RNF38: variants seen among roughly 807,000 people sequenced by gnomAD.
RNF38 encodes the protein E3 ubiquitin-protein ligase RNF38.
Under a neutral mutation model 67.2 loss-of-function variants are expected in RNF38, and 15 were observed. The ratio of observed to expected loss-of-function variants is 0.22; its 90% CI spans 0.15 to 0.34. The LOEUF (loss-of-function observed/expected upper bound fraction) is 0.34, where lower values mean the gene tolerates loss of function less well. Among genes scored for constraint, RNF38 ranks in the 10% least tolerant of loss-of-function variants. The pLI is 1.00. For synonymous variants in RNF38, 220 were observed against 218.8 expected, an observed-to-expected ratio of 1.01 and a Z score of -0.05; for missense variants, 524 against 639.9, an observed-to-expected ratio of 0.82 and a Z score of 1.95.
intron 1 of RNF38, among the ~76,000 whole-genome samples, chr9:36,432,622 G>A (rs1049077147): frequency 4.6e-5 from 7 of 151,896 alleles, no homozygotes; most frequent in African/African-American, 9.7e-5. Flanking sequence ...GTGAAACCCC[G>A]TCTCTACTAA....
chr9:36,393,672 G>A (rs1047505829), intron 1 of RNF38, among the ~76,000 whole-genome samples: 5 of 152,094 alleles, frequency 3.3e-5, no homozygotes, highest in East Asian at 1.9e-4. Flanking sequence ...AAGGAGGAAA[G>A]ACGTTCAGAT....
intron 2 of RNF38, among the ~76,000 whole-genome samples, chr9:36,381,830 T>C (rs1836233125): frequency 6.6e-6 from 1 of 152,238 alleles, no homozygotes; most frequent in African/African-American, 2.4e-5. Context: ...GTACATTTCC[T>C]TGGGACCTCC....
chr9:36,460,536 A>C (rs1353203996), intron 1 of RNF38, among the ~76,000 whole-genome samples: 2 of 152,170 alleles, frequency 1.3e-5, no homozygotes, highest in African/African-American at 4.8e-5. Context: ...TCCTAGTCCC[A>C]GAACACTTAA....
At chr9:36,384,376 T>C (rs956324374) in intron 2 of RNF38, among the ~76,000 whole-genome samples, 8 of 152,192 alleles carry the variant, frequency 5.3e-5, no homozygotes, top group African/African-American at 1.9e-4. Context: ...TTTAGGAGTG[T>C]TGATATACAG....
chr9:36,384,861 A>G (rs912712103), intron 2 of RNF38, among the ~76,000 whole-genome samples: 2 of 152,238 alleles, frequency 1.3e-5, no homozygotes, highest in African/African-American at 4.8e-5. Flanking sequence ...AACATCAACA[A>G]TGCATTTGGC....
intron 6 of RNF38, among the ~76,000 whole-genome samples, chr9:36,353,613 G>A (rs1286631432): frequency 6.6e-6 from 1 of 151,874 alleles, no homozygotes. Context: ...AAATGAGAAG[G>A]CAAAAAGTCA....
chr9:36,441,096 T>C (rs755600828), intron 1 of RNF38, among the ~76,000 whole-genome samples: 4 of 151,700 alleles, frequency 2.6e-5, no homozygotes, highest in Non-Finnish European at 5.9e-5. Flanking sequence ...GGAAAGAGGG[T>C]GTTAGAAGAA....
intron 1 of RNF38, among the ~76,000 whole-genome samples, chr9:36,397,110 T>G (rs1317178626): frequency 5.3e-5 from 8 of 150,762 alleles, no homozygotes; most frequent in East Asian, 1.9e-4. Flanking sequence ...TTTTGTTTTT[T>G]TTTTTTTGAG....
chr9:36,437,857 T>C (rs779706440), intron 1 of RNF38, among the ~76,000 whole-genome samples: 6 of 152,248 alleles, frequency 3.9e-5, no homozygotes, highest in Non-Finnish European at 8.8e-5. Flanking sequence ...CAGCCAATGC[T>C]AATTCTTAGG....
chr9:36,484,613 A>G (rs559169741), intron 1 of RNF38, among the ~76,000 whole-genome samples: 1 of 152,308 alleles, frequency 6.6e-6, no homozygotes, highest in Admixed American at 6.5e-5. Flanking sequence ...ACCCTTGTGT[A>G]ATCCCATTCC....
At chr9:36,352,922 T>TA (rs1328129155) in intron 7 of RNF38, 74 bp from the exon 8 acceptor site, 7 of 1,092,704 alleles carry the variant, frequency 6.4e-6, no homozygotes, top group Admixed American at 2.3e-5. Flanking sequence ...AGTATCTAAT[T>TA]AAAAAAAGAC....
chr9:36,406,082 G>A (rs971281409), upstream of RNF38, among the ~76,000 whole-genome samples: 1 of 152,094 alleles, frequency 6.6e-6, no homozygotes, highest in East Asian at 1.9e-4. Flanking sequence ...TCAAATATCT[G>A]TTTCCTCCTG....
At chr9:36,442,740 T>C (rs1037246729) in intron 1 of RNF38, among the ~76,000 whole-genome samples, 6 of 152,336 alleles carry the variant, frequency 3.9e-5, no homozygotes, top group Non-Finnish European at 7.3e-5. Flanking sequence ...GATCGTGCTA[T>C]TGCACTCTAG....
chr9:36,398,984 A>G (rs951310882), intron 1 of RNF38, among the ~76,000 whole-genome samples: 2 of 152,218 alleles, frequency 1.3e-5, no homozygotes, highest in Admixed American at 1.3e-4. Flanking sequence ...GAAACAGCCT[A>G]GGAATGTAAC....
chr9:36,355,187 G>A (rs568500018), intron 6 of RNF38, among the ~76,000 whole-genome samples: 1 of 152,240 alleles, frequency 6.6e-6, no homozygotes, highest in South Asian at 2.1e-4. Flanking sequence ...TACCCAGCAT[G>A]GTATAGAAAT....
intron 1 of RNF38, among the ~76,000 whole-genome samples, chr9:36,483,327 A>G (rs1229822125): frequency 1.3e-5 from 2 of 152,074 alleles, no homozygotes; most frequent in Admixed American, 6.5e-5. Context: ...TGGAGGCTGC[A>G]GTGAGCCGAG....
intron 2 of RNF38, among the ~76,000 whole-genome samples, chr9:36,381,047 GCT>G (rs1836176672): frequency 6.6e-6 from 1 of 152,196 alleles, no homozygotes; most frequent in African/African-American, 2.4e-5. Context: ...GGAAATGTCT[GCT>G]CTGTGTTGAC....
chr9:36,364,449 G>T (rs556235390), intron 4 of RNF38, among the ~76,000 whole-genome samples: 27 of 152,098 alleles, frequency 1.8e-4, no homozygotes, highest in Admixed American at 1.7e-3. Flanking sequence ...CCCTGTATTT[G>T]TGTATCTAAA....
intron 8 of RNF38, among the ~76,000 whole-genome samples, chr9:36,352,280 A>G (rs1833751060): frequency 6.6e-6 from 1 of 151,988 alleles, no homozygotes. Context: ...ACTCCAGCAC[A>G]GACTTAAGAG....
Sources: allele counts gnomAD v4.1 joint callset (sites outside exome capture counted in the v4.1 genomes callset), GRCh38; gene constraint gnomAD v4.1.1; transcripts MANE v1.5; gene names NCBI Gene and HGNC (gene_info 2026-07-23, HGNC 2026-07-21).